SULT1B1: variants seen among roughly 807,000 people sequenced by gnomAD.
The protein encoded by SULT1B1 is sulfotransferase family 1B member 1.
In SULT1B1, 28 loss-of-function variants were observed where a neutral mutation model predicts 34.6. The observed-to-expected ratio is 0.81, with a 90% CI of 0.60 to 1.11. SULT1B1 has a LOEUF of 1.11. SULT1B1 is among the 50% of genes least tolerant of loss of function. The pLI is 0.00. For missense variants in SULT1B1, 374 were observed against 352.2 expected (o/e 1.06, Z -0.50); for synonymous variants, 147 against 110.2 (o/e 1.33, Z -2.09).
intron 4 of SULT1B1, among the ~76,000 whole-genome samples, chr4:69,739,673 G>T (rs1024250930): frequency 5.9e-5 from 9 of 152,202 alleles, no homozygotes; most frequent in Non-Finnish European, 1.2e-4. Context: ...TTAGCATTTG[G>T]CTTCTTGTTA....
intron 3 of SULT1B1, 58 bp from the exon 4 acceptor site, chr4:69,749,876 C>T: frequency 7.7e-7 from 1 of 1,303,556 alleles, no homozygotes; most frequent in South Asian, 1.2e-5. Context: ...GCTACGTTTC[C>T]TTATTTTGCC....
chr4:69,756,016 C>G (rs1719176034), intron 1 of SULT1B1, among the ~76,000 whole-genome samples: 1 of 152,030 alleles, frequency 6.6e-6, no homozygotes, highest in Non-Finnish European at 1.5e-5. Flanking sequence ...TTCTCTATTG[C>G]TATGTCTTTG....
chr4:69,729,477 C>G (rs1191928903), intron 7 of SULT1B1, among the ~76,000 whole-genome samples: 16 of 152,062 alleles, frequency 1.1e-4, no homozygotes, highest in Admixed American at 1.0e-3. Flanking sequence ...ACACATCAGT[C>G]TTCTTTGCTC....
Position 69,755,159 on chromosome 4 carries a change from A to G in SULT1B1, c.59T>C (p.Met20Thr). 1 of 1,613,924 alleles carries G rather than the reference A, an allele frequency of 6.2e-7. No individual in the cohort carries two copies. The highest frequency in any genetic ancestry group is 8.5e-7 in the Non-Finnish European group (1 of 1,179,764). The change falls in exon 2 of 8, where the codon ATG becomes ACG. Residue 20 changes from methionine (M) to threonine (T), a missense_variant. Coordinates refer to ENST00000310613, the MANE Select transcript of SULT1B1 (RefSeq NM_014465.4). ...CCAGTTGCTTGCAAAAGCACAGGTC[A>G]TGGGATAACCATGGACCAACTTCAG... ...KDLKLVHGYP[M>T]TCAFASNWEK...
chr4:69,730,464 A>G, intron 7 of SULT1B1, 37 bp downstream of exon 7: 1 of 1,556,430 alleles, frequency 6.4e-7, no homozygotes, highest in Non-Finnish European at 8.8e-7. Context: ...TTCATAAGAA[A>G]GTACGAAAGG....
intron 3 of SULT1B1, among the ~76,000 whole-genome samples, chr4:69,751,379 C>G (rs534385782): frequency 5.8e-4 from 88 of 152,296 alleles, no homozygotes; most frequent in African/African-American, 2.0e-3. Flanking sequence ...TTTAATGAAC[C>G]CTTTATATCC....
intron 4 of SULT1B1, among the ~76,000 whole-genome samples, chr4:69,745,579 C>T (rs1229607847): frequency 2.6e-5 from 4 of 152,124 alleles, no homozygotes; most frequent in Non-Finnish European, 4.4e-5. Flanking sequence ...CATCCCTTTA[C>T]TTTGAGACTA....
chr4:69,745,919 T>C (rs1220321920), intron 4 of SULT1B1, among the ~76,000 whole-genome samples: 1 of 152,228 alleles, frequency 6.6e-6, no homozygotes, highest in East Asian at 1.9e-4. Context: ...TGAATTCCTT[T>C]AGTATTTCCT....
chr4:69,758,011 TTTATCTTCTATATGCTTCTCAG>T (rs1719255720), intron 1 of SULT1B1, among the ~76,000 whole-genome samples: 1 of 152,192 alleles, frequency 6.6e-6, no homozygotes, highest in Non-Finnish European at 1.5e-5. Context: ...ATATTCAATA[TTTATCTTCTATATGCTTCTCAG>T]TTATCCTCCA....
Position 69,725,561 on chromosome 4 carries a change from C to T in SULT1B1, c.*1527G>A, listed in dbSNP as rs1272581553. 2 of 152,088 alleles carry T rather than the reference C, an allele frequency of 1.3e-5. No homozygotes were observed. Among genetic ancestry groups the T allele is most frequent in the African/African-American group, 4.8e-5 (2 of 41,430 alleles). 9.4% of individuals were successfully genotyped at this position (152,088 alleles called of 1,614,324 possible). ...ATTATAAATCATGCTGCTATAAAGA[C>T]ACATGCACACGTATATTTATTGCGG... On this transcript the variant is annotated 3_prime_UTR_variant, in exon 8 of 8. Transcript: ENST00000310613.
chr4:69,754,410 A>T (rs1719107967), intron 3 of SULT1B1, among the ~76,000 whole-genome samples: 1 of 152,214 alleles, frequency 6.6e-6, no homozygotes, highest in Non-Finnish European at 1.5e-5. Context: ...ACCAAATAAA[A>T]GTCTTAAAAA....
intron 4 of SULT1B1, among the ~76,000 whole-genome samples, chr4:69,746,791 T>C (rs1718765369): frequency 6.6e-6 from 1 of 152,254 alleles, no homozygotes; most frequent in Non-Finnish European, 1.5e-5. Flanking sequence ...GTTGCCAGAA[T>C]TCTTGAGCTG....
chr4:69,728,731 T>C (rs1194202859), intron 7 of SULT1B1, among the ~76,000 whole-genome samples: 1 of 152,082 alleles, frequency 6.6e-6, no homozygotes, highest in Non-Finnish European at 1.5e-5. Context: ...GCATTATTTA[T>C]TGTGAGAAAA....
intron 4 of SULT1B1, among the ~76,000 whole-genome samples, chr4:69,736,462 G>A (rs1318932693): frequency 2.6e-5 from 4 of 152,122 alleles, no homozygotes; most frequent in Non-Finnish European, 5.9e-5. Flanking sequence ...CAGAGGAGAG[G>A]GAAGAGCAAA....
chr4:69,743,347 CCT>C (rs746122602), intron 4 of SULT1B1, among the ~76,000 whole-genome samples: 1 of 152,162 alleles, frequency 6.6e-6, no homozygotes, highest in Non-Finnish European at 1.5e-5. Flanking sequence ...TGTAGCTGGT[CCT>C]CCCGTCATCT....
chr4:69,755,407 G>T, intron 1 of SULT1B1, 146 bp from the exon 2 acceptor site: 1 of 564,822 alleles, frequency 1.8e-6, no homozygotes, highest in East Asian at 2.9e-5. Flanking sequence ...GTGGGCATTA[G>T]GTGCAGTAGA....
At chr4:69,736,864 T>C (rs1718338556) in intron 4 of SULT1B1, among the ~76,000 whole-genome samples, 2 of 151,794 alleles carry the variant, frequency 1.3e-5, no homozygotes, top group Non-Finnish European at 1.5e-5. Flanking sequence ...TGTGGGACAA[T>C]AACAAAAGGC....
At chr4:69,730,793 T>C (rs1246272842) in intron 6 of SULT1B1, 112 bp from the exon 7 acceptor site, 1 of 918,086 alleles carries the variant, frequency 1.1e-6, no homozygotes, top group Non-Finnish European at 1.6e-6. Context: ...GTATAGGAAA[T>C]CCATATTTGT....
intron 4 of SULT1B1, among the ~76,000 whole-genome samples, chr4:69,737,081 A>G (rs1249072446): frequency 6.6e-6 from 1 of 152,116 alleles, no homozygotes; most frequent in Non-Finnish European, 1.5e-5. Context: ...TTAAAGATGA[A>G]TAAAACTCTT....
Sources: gnomAD v4.1 joint callset for allele counts (sites outside exome capture counted in the v4.1 genomes callset) on GRCh38, gnomAD v4.1.1 for gene constraint, MANE v1.5 for transcripts, NCBI Gene and HGNC (gene_info 2026-07-23, HGNC 2026-07-21) for gene names.